Variants in CCSER1 observed in about 807,000 individuals in gnomAD.
CCSER1 encodes serine-rich coiled-coil domain-containing protein 1.
A neutral mutation model predicts 82.0 loss-of-function variants in CCSER1; 41 were observed. The ratio of observed to expected loss-of-function variants is 0.50; its 90% CI spans 0.39 to 0.65. The LOEUF (loss-of-function observed/expected upper bound fraction) is 0.65, where lower values mean the gene tolerates loss of function less well. Ranked by LOEUF, CCSER1 falls within the 30% of genes least tolerant of loss-of-function variation. CCSER1 has a pLI of 0.00. For synonymous variants in CCSER1, 414 were observed against 383.9 expected (o/e 1.08, Z -0.92); for missense variants, 1,119 against 1,064.2 (o/e 1.05, Z -0.72).
intron 1 of CCSER1, among the ~76,000 whole-genome samples, chr4:90,219,433 C>A (rs17812368): frequency 0.61 from 93,310 of 151,928 alleles, 30,043 homozygotes; most frequent in East Asian, 0.83. Context: ...TTATCTTGAA[C>A]GGTGTCAGGG....
At chr4:90,183,032 C>G (rs980541734) in intron 1 of CCSER1, among the ~76,000 whole-genome samples, 5 of 151,786 alleles carry the variant, frequency 3.3e-5, no homozygotes, top group Admixed American at 1.3e-4. Context: ...TCAATTTTCT[C>G]AATTGGTATA....
At chr4:90,192,648 T>C (rs923817847) in intron 1 of CCSER1, among the ~76,000 whole-genome samples, 1 of 152,120 alleles carries the variant, frequency 6.6e-6, no homozygotes, top group African/African-American at 2.4e-5. Flanking sequence ...TAGTGCATCG[T>C]TCCTGGCCCA....
rs555200109 is a variant in CCSER1 at position 91,406,297 on chromosome 4, G to T, written c.2218-192275G>T. Among the ~76,000 whole-genome samples the T allele has an allele frequency of 1.8e-4, 27 of 152,166 alleles. No homozygotes were observed. In the East Asian group the frequency reaches 5.0e-3, roughly 28 times the overall value. ...CCTTCTTCTTTCCTATGTTGTTCAA[G>T]TTAATAAATTTAAGAAGTCAAACAG... On this transcript the variant is annotated intron_variant, in intron 10 of 10. Transcript: ENST00000509176.
chr4:91,203,946 A>G (rs1736135246), intron 10 of CCSER1, among the ~76,000 whole-genome samples: 1 of 151,912 alleles, frequency 6.6e-6, no homozygotes, highest in African/African-American at 2.4e-5. Context: ...AGTGTTTGAT[A>G]ACTTTAAACT....
chr4:91,468,616 A>G (rs1174862825), intron 10 of CCSER1, among the ~76,000 whole-genome samples: 1 of 152,058 alleles, frequency 6.6e-6, no homozygotes, highest in Non-Finnish European at 1.5e-5. Context: ...TCCAACAAAT[A>G]AGGATGATTT....
chr4:91,357,497 C>T (rs927177223), intron 10 of CCSER1, among the ~76,000 whole-genome samples: 5 of 152,036 alleles, frequency 3.3e-5, no homozygotes, highest in Non-Finnish European at 7.4e-5. Context: ...ACAGAATTTT[C>T]TTTATAATTA....
chr4:90,361,237 C>T (rs1282690796), intron 3 of CCSER1, among the ~76,000 whole-genome samples: 1 of 152,108 alleles, frequency 6.6e-6, no homozygotes, highest in African/African-American at 2.4e-5. Flanking sequence ...TATTAATTTA[C>T]CTCAGGTTTC....
intron 10 of CCSER1, among the ~76,000 whole-genome samples, chr4:91,379,781 T>G (rs1258883616): frequency 6.6e-6 from 1 of 152,212 alleles, no homozygotes; most frequent in Non-Finnish European, 1.5e-5. Context: ...ATTTCTTGCC[T>G]TCTGCTAGAT....
chr4:90,916,890 A>G (rs530861243), intron 8 of CCSER1, among the ~76,000 whole-genome samples: 32 of 135,038 alleles, frequency 2.4e-4, no homozygotes, highest in African/African-American at 9.3e-4. Flanking sequence ...AGACGTCTAT[A>G]CAGTTAAGAG....
intron 10 of CCSER1, among the ~76,000 whole-genome samples, chr4:91,335,272 A>T (rs1320592929): frequency 6.6e-6 from 1 of 152,180 alleles, no homozygotes; most frequent in East Asian, 1.9e-4. Flanking sequence ...CCCAATCCCC[A>T]GTGAACTTGC....
At chr4:90,303,100 C>A (rs906857760) in intron 1 of CCSER1, among the ~76,000 whole-genome samples, 4 of 152,134 alleles carry the variant, frequency 2.6e-5, no homozygotes, top group Non-Finnish European at 5.9e-5. Flanking sequence ...TTTATATCTA[C>A]TCCAGGTTAT....
At chr4:91,335,826 G>A (rs1747286117) in intron 10 of CCSER1, among the ~76,000 whole-genome samples, 1 of 151,830 alleles carries the variant, frequency 6.6e-6, no homozygotes, top group Non-Finnish European at 1.5e-5. Flanking sequence ...TAGAGTTAGA[G>A]ACAAAAAAAA....
chr4:90,648,280 GAAAGGAAAGAAA>G (rs1219726656), intron 6 of CCSER1, among the ~76,000 whole-genome samples: 1 of 114,438 alleles, frequency 8.7e-6, no homozygotes, highest in Non-Finnish European at 1.9e-5. Flanking sequence ...GAGAGAGAAA[GAAAGGAAAGAAA>G]GAAAGAAAGA....
At chr4:90,429,894 A>T (rs934839305) in intron 4 of CCSER1, among the ~76,000 whole-genome samples, 1 of 151,880 alleles carries the variant, frequency 6.6e-6, no homozygotes, top group Non-Finnish European at 1.5e-5. Flanking sequence ...TGGGATAAAT[A>T]AATTTCATCA....
rs564404321 is a variant in CCSER1 at position 91,604,066 on chromosome 4, C to G, written c.*5009C>G. ...ACTCATTTTCAGGTCAAAGAGCCCA[C>G]TTCCCTAATCACATACTTCAATAAC... On this transcript the variant is annotated 3_prime_UTR_variant, in exon 11 of 11. Transcript: ENST00000509176. 1.3e-5 allele frequency: 2 copies of G among 152,098 alleles called. No homozygotes were observed. The highest frequency in any genetic ancestry group is 2.9e-5 in the Non-Finnish European group (2 of 68,018). 9.4% of individuals were successfully genotyped at this position (152,098 alleles called of 1,614,324 possible).
At chr4:91,411,507 T>TATATAC (rs1753036223) in intron 10 of CCSER1, among the ~76,000 whole-genome samples, 1 of 67,302 alleles carries the variant, frequency 1.5e-5, no homozygotes, top group Non-Finnish European at 3.5e-5. Flanking sequence ...TATATATATA[T>TATATAC]ATATATATAT....
chr4:91,123,832 A>G (rs879882486), intron 10 of CCSER1, among the ~76,000 whole-genome samples: 5 of 151,822 alleles, frequency 3.3e-5, no homozygotes, highest in Admixed American at 1.3e-4. Flanking sequence ...AGATTTATAT[A>G]TTTATGAAAT....
At chr4:90,469,297 T>A (rs1012858420) in intron 5 of CCSER1, among the ~76,000 whole-genome samples, 2 of 152,100 alleles carry the variant, frequency 1.3e-5, no homozygotes, top group African/African-American at 4.8e-5. Context: ...TTTGATTGCA[T>A]GAAGATATTC....
intron 6 of CCSER1, among the ~76,000 whole-genome samples, chr4:90,650,748 C>T (rs1265387213): frequency 6.6e-6 from 1 of 152,148 alleles, no homozygotes; most frequent in African/African-American, 2.4e-5. Context: ...TACTTTAACA[C>T]AGTTTTATGC....
Sources: gnomAD v4.1 joint callset for allele counts (sites outside exome capture counted in the v4.1 genomes callset) on GRCh38, gnomAD v4.1.1 for gene constraint, MANE v1.5 for transcripts, NCBI Gene and HGNC (gene_info 2026-07-23, HGNC 2026-07-21) for gene names.